TMEM132D: variants seen among roughly 807,000 people sequenced by gnomAD.
TMEM132D encodes transmembrane protein 132D.
A neutral mutation model predicts 62.3 loss-of-function variants in TMEM132D; 21 were observed. The observed-to-expected ratio is 0.34, with a 90% CI of 0.24 to 0.49. The LOEUF is 0.49. Ranked by LOEUF, TMEM132D falls within the 20% of genes least tolerant of loss-of-function variation. TMEM132D has a pLI of 0.99. For missense variants in TMEM132D, 1,346 were observed against 1,402.8 expected (o/e 0.96, Z 0.65); for synonymous variants, 621 against 575.6 (o/e 1.08, Z -1.13).
intron 1 of TMEM132D, among the ~76,000 whole-genome samples, chr12:129,787,412 G>A (rs1871274962): frequency 6.6e-6 from 1 of 152,118 alleles, no homozygotes; most frequent in African/African-American, 2.4e-5. Context: ...TGACCCTGAG[G>A]ATATTTTATC....
intron 2 of TMEM132D, among the ~76,000 whole-genome samples, chr12:129,626,445 T>G (rs1304502797): frequency 6.7e-6 from 1 of 148,658 alleles, no homozygotes; most frequent in Non-Finnish European, 1.5e-5. Context: ...TGTACTTTTT[T>G]TCTACTTTTA....
chr12:129,381,067 C>A (rs1382066889), intron 3 of TMEM132D, among the ~76,000 whole-genome samples: 1 of 152,136 alleles, frequency 6.6e-6, no homozygotes. Context: ...GTAGTAGCAA[C>A]TTTGATACAA....
rs75858707 is a variant in TMEM132D at position 129,536,214 on chromosome 12, C to T, written c.969-5009G>A. Among the ~76,000 whole-genome samples, 1,244 of 152,262 alleles carry T rather than the reference C, an allele frequency of 8.2e-3. 24 individuals carry two copies. Among genetic ancestry groups the T allele is most frequent in the African/African-American group, 0.028 (1,184 of 41,552 alleles). ...ATCTCCATTTTTGAGTCCATATAGG[C>T]TCAATCTATGGAACAATACACAGTG... On this transcript the variant is annotated intron_variant, in intron 2 of 8. Coordinates refer to ENST00000422113, the MANE Select transcript of TMEM132D (RefSeq NM_133448.3).
chr12:129,200,088 C>A (rs906964050), intron 5 of TMEM132D, among the ~76,000 whole-genome samples: 1 of 152,150 alleles, frequency 6.6e-6, no homozygotes, highest in Non-Finnish European at 1.5e-5. Context: ...TCATCTTTAT[C>A]TTCCCCTAAC....
At chr12:129,254,657 T>C (rs555965571) in intron 4 of TMEM132D, among the ~76,000 whole-genome samples, 3 of 152,300 alleles carry the variant, frequency 2.0e-5, no homozygotes, top group Non-Finnish European at 4.4e-5. Context: ...TTGCTTATCC[T>C]TAGAGGGGTA....
intron 1 of TMEM132D, among the ~76,000 whole-genome samples, chr12:129,815,691 T>C (rs761500961): frequency 2.0e-5 from 3 of 152,108 alleles, no homozygotes; most frequent in Admixed American, 6.5e-5. Context: ...GCTGTCTGAA[T>C]GCTCCCCCGG....
intron 4 of TMEM132D, among the ~76,000 whole-genome samples, chr12:129,306,558 G>A (rs1185839401): frequency 6.6e-6 from 1 of 152,148 alleles, no homozygotes; most frequent in East Asian, 1.9e-4. Context: ...GGGAAACTAG[G>A]AATTCCACTG....
chr12:129,485,987 C>A (rs1038961999), intron 3 of TMEM132D, among the ~76,000 whole-genome samples: 3 of 152,206 alleles, frequency 2.0e-5, no homozygotes, highest in Admixed American at 6.5e-5. Flanking sequence ...GTGCACCCAG[C>A]CTGATGTCCA....
intron 1 of TMEM132D, among the ~76,000 whole-genome samples, chr12:129,765,440 C>A (rs1342769924): frequency 2.0e-5 from 3 of 151,964 alleles, no homozygotes; most frequent in East Asian, 1.9e-4. Context: ...GTGGTGCATG[C>A]CTGTAATCCC....
At position 129,215,825 on chromosome 12, in the gene TMEM132D, C is replaced by T. The variant is rs186475747; in HGVS notation, c.1300-6162G>A. On this transcript the variant is annotated intron_variant, in intron 4 of 8. Transcript: ENST00000422113. Reference sequence around the variant, plus strand: ...GTCATGGCGGAAGGTGAGGGAAGAACAAAGGCATGTCTTACATGGCGTGGG... The same window carrying T: ...GTCATGGCGGAAGGTGAGGGAAGAATAAAGGCATGTCTTACATGGCGTGGG... 2.0e-5 allele frequency among the ~76,000 whole-genome samples: 3 copies of T among 152,112 alleles called. No homozygotes were observed. The East Asian group carries it at 5.8e-4, about 29-fold the overall frequency.
chr12:129,397,259 G>T lies in TMEM132D; in HGVS notation c.1116-59442C>A, dbSNP rs1279472045. ...AATGGTCTTTTGTAAATTCTTCTTT[G>T]CCCTGTGAGCTTTCAGAAGAGAGTA... On this transcript the variant is annotated intron_variant, in intron 3 of 8. Transcript: ENST00000422113. 2.0e-5 allele frequency among the ~76,000 whole-genome samples: 3 copies of T among 152,058 alleles called. No individual in the cohort carries two copies. The East Asian group carries it at 5.8e-4, about 29-fold the overall frequency.
intron 4 of TMEM132D, among the ~76,000 whole-genome samples, chr12:129,218,755 A>G (rs2135572330): frequency 6.6e-6 from 1 of 152,322 alleles, no homozygotes; most frequent in South Asian, 2.1e-4. Context: ...TCAGTCACCA[A>G]AGTGCAACTT....
intron 2 of TMEM132D, among the ~76,000 whole-genome samples, chr12:129,624,146 A>C (rs1471813011): frequency 6.6e-6 from 1 of 152,204 alleles, no homozygotes; most frequent in Non-Finnish European, 1.5e-5. Flanking sequence ...AGTCTCTCTG[A>C]TCTGCATGTA....
chr12:129,507,100 G>GA (rs1444259992), intron 3 of TMEM132D, among the ~76,000 whole-genome samples: 2 of 152,002 alleles, frequency 1.3e-5, no homozygotes, highest in African/African-American at 2.4e-5. Context: ...ACAAACATAT[G>GA]AAAAAATGCT....
At chr12:129,190,657 C>T (rs893497701) in intron 5 of TMEM132D, among the ~76,000 whole-genome samples, 2 of 152,114 alleles carry the variant, frequency 1.3e-5, no homozygotes, top group Non-Finnish European at 2.9e-5. Flanking sequence ...GCTGGAAAGT[C>T]AAGGAGAGAT....
At chr12:129,410,595 T>A (rs1269646774) in intron 3 of TMEM132D, among the ~76,000 whole-genome samples, 2 of 152,150 alleles carry the variant, frequency 1.3e-5, no homozygotes, top group Non-Finnish European at 2.9e-5. Flanking sequence ...CCTGACCTCA[T>A]GATCCACCCG....
At chr12:129,842,097 A>ATTTTTTTTT (rs746315309) in intron 1 of TMEM132D, among the ~76,000 whole-genome samples, 1,000 of 97,288 alleles carry the variant, frequency 0.01, no homozygotes, top group Middle Eastern at 0.025. Context: ...CGCCCGGCTA[A>ATTTTTTTTT]TTTTTTTTTT....
chr12:129,435,061 A>T (rs1344199609), intron 3 of TMEM132D, among the ~76,000 whole-genome samples: 1 of 152,156 alleles, frequency 6.6e-6, no homozygotes, highest in Non-Finnish European at 1.5e-5. Flanking sequence ...GTGCGAATGT[A>T]CCGTATTTGT....
At chr12:129,799,354 G>A (rs1038971155) in intron 1 of TMEM132D, among the ~76,000 whole-genome samples, 18 of 111,256 alleles carry the variant, frequency 1.6e-4, no homozygotes, top group Non-Finnish European at 1.5e-4. Flanking sequence ...GTGTATATAT[G>A]TGTGTGTGTG....
Sources: gnomAD v4.1 joint callset for allele counts (sites outside exome capture counted in the v4.1 genomes callset) on GRCh38, gnomAD v4.1.1 for gene constraint, MANE v1.5 for transcripts, NCBI Gene and HGNC (gene_info 2026-07-23, HGNC 2026-07-21) for gene names.